Variants in HAUS2 observed in about 807,000 individuals in gnomAD.
HAUS2 encodes HAUS augmin like complex subunit 2, also known as HAUS augmin-like complex subunit 2.
HAUS2 carries 20 observed loss-of-function variants against 21.6 expected under a neutral mutation model. The observed-to-expected ratio is 0.93, with a 90% CI of 0.65 to 1.35. HAUS2 has a LOEUF of 1.35. Ranked by LOEUF, HAUS2 falls within the 40% of genes most tolerant of loss-of-function variation. The pLI, the probability that HAUS2 is intolerant of heterozygous loss-of-function variation, is 0.00. For missense variants in HAUS2, 297 were observed against 280.7 expected (o/e 1.06, Z -0.42); for synonymous variants, 113 against 95.6 (o/e 1.18, Z -1.06).
chr15:42,560,963 G>A, intron 3 of HAUS2: 1 of 622,914 alleles, frequency 1.6e-6, no homozygotes, highest in Non-Finnish European at 2.8e-6. Flanking sequence ...TTTGTGTTAA[G>A]AATATAGCTC....
At chr15:42,549,112 C>G (rs149934201) in intron 1 of HAUS2, 147 bp downstream of exon 1, 9 of 569,042 alleles carry the variant, frequency 1.6e-5, no homozygotes, top group Non-Finnish European at 2.5e-5. Flanking sequence ...AGGCAACAGC[C>G]GCGAACGTTC....
chr15:42,560,324 C>T (rs1240704814), intron 3 of HAUS2, among the ~76,000 whole-genome samples: 2 of 151,278 alleles, frequency 1.3e-5, no homozygotes, highest in Non-Finnish European at 2.9e-5. Context: ...TACATGCTAA[C>T]GTTTTACAGG....
rs1266368403 is a variant in HAUS2, at chr15:42,568,391, A to C, written c.*1575A>C. 6.6e-6 allele frequency: 1 copy of C among 152,228 alleles called. No individual in the cohort carries two copies. The allele number at this position is 152,228 out of a possible 1,614,324, so 9.4% of individuals were successfully genotyped here. A position where few individuals can be genotyped will look rare whatever the true frequency, so the allele number is the denominator to read the frequency against. On this transcript the variant is annotated 3_prime_UTR_variant, in exon 6 of 6. Transcript: ENST00000260372. ...TGGCAAGTGAGCATGAGAAAGATAT[A>C]TGGGTCTAAACTTAGCCTTTTATCA...
intron 5 of HAUS2, among the ~76,000 whole-genome samples, chr15:42,564,502 T>C (rs759303345): frequency 4.6e-5 from 7 of 152,182 alleles, no homozygotes; most frequent in Non-Finnish European, 1.0e-4. Context: ...CTGTAAAATA[T>C]ACATTTTCTA....
At position 42,567,048 on chromosome 15, in the gene HAUS2, A is replaced by G. The variant is rs553788495; in HGVS notation, c.*232A>G. 8.6e-6 allele frequency: 3 copies of G among 349,014 alleles called. No individual in the cohort carries two copies. Among genetic ancestry groups the G allele is most frequent in the Middle Eastern group, 8.7e-4 (1 of 1,146 alleles). The allele number at this position is 349,014 out of a possible 1,614,324, so 21.6% of individuals were successfully genotyped here. On this transcript the variant is annotated 3_prime_UTR_variant, in exon 6 of 6. Coordinates refer to ENST00000260372, the MANE Select transcript of HAUS2 (RefSeq NM_018097.3). ...GAGAAGCTAAAAAATAGCCATGACAATTTATTAATATAAGTGAATTAACCA... is the reference window on the plus strand; with the variant it reads ...GAGAAGCTAAAAAATAGCCATGACAGTTTATTAATATAAGTGAATTAACCA...
intron 2 of HAUS2, 104 bp downstream of exon 2, chr15:42,558,394 C>A: frequency 1.8e-6 from 1 of 555,228 alleles, no homozygotes; most frequent in Middle Eastern, 4.9e-4. Flanking sequence ...GTGGCACAAT[C>A]TCGGCTCACT....
intron 1 of HAUS2, among the ~76,000 whole-genome samples, chr15:42,552,110 C>T (rs1439212116): frequency 6.6e-6 from 1 of 152,036 alleles, no homozygotes; most frequent in African/African-American, 2.4e-5. Flanking sequence ...GCAACCTCCG[C>T]CTCCTTGGTT....
In HAUS2 at chr15:42,566,964, A is replaced by G. The variant is rs1447771011; in HGVS notation, c.*148A>G. ...GTATCAAGATCTCAGGTTCATTAAG[A>G]CCAAACTGACTTTTCCTTTGTTTTT... On this transcript the variant is annotated 3_prime_UTR_variant, in exon 6 of 6. Coordinates refer to ENST00000260372, the MANE Select transcript of HAUS2 (RefSeq NM_018097.3). 1 of 497,622 alleles carries G rather than the reference A, an allele frequency of 2.0e-6. No individual in the cohort carries two copies. The allele number at this position is 497,622 out of a possible 1,614,324, so 30.8% of individuals were successfully genotyped here. A position where few individuals can be genotyped will look rare whatever the true frequency, so the allele number is the denominator to read the frequency against.
rs920578272 is a variant in HAUS2, at chr15:42,568,928, G to C, written c.*2112G>C. ...CTGTAATAAATCATAGCTGTGTGAT[G>C]ATATGCTGAGTCTTGTGAATTCTCC... On this transcript the variant is annotated 3_prime_UTR_variant, in exon 6 of 6. Coordinates refer to ENST00000260372, the MANE Select transcript of HAUS2 (RefSeq NM_018097.3). 11 of 152,144 alleles carry C rather than the reference G, an allele frequency of 7.2e-5. No homozygotes were observed. Among genetic ancestry groups the C allele is most frequent in the Non-Finnish European group, 1.5e-4 (10 of 68,034 alleles). 9.4% of individuals were successfully genotyped at this position (152,144 alleles called of 1,614,324 possible). A position where few individuals can be genotyped will look rare whatever the true frequency, so the allele number is the denominator to read the frequency against.
chr15:42,565,171 G>T (rs1210363496), intron 5 of HAUS2, among the ~76,000 whole-genome samples: 1 of 152,042 alleles, frequency 6.6e-6, no homozygotes, highest in Non-Finnish European at 1.5e-5. Context: ...AGTGAAATTC[G>T]GACATGCATC....
intron 5 of HAUS2, among the ~76,000 whole-genome samples, chr15:42,564,678 G>A (rs992629419): frequency 9.9e-5 from 15 of 152,156 alleles, no homozygotes; most frequent in Admixed American, 6.6e-5. Context: ...AAATAGAGAC[G>A]AGTTCTCACT....
chr15:42,556,101 G>A (rs1307907951), intron 1 of HAUS2, among the ~76,000 whole-genome samples: 3 of 148,154 alleles, frequency 2.0e-5, no homozygotes, highest in Non-Finnish European at 3.0e-5. Flanking sequence ...GATTACAGGC[G>A]CCTGCCACCA....
chr15:42,566,544 C>G, intron 5 of HAUS2, 63 bp from the exon 6 acceptor site: 1 of 897,432 alleles, frequency 1.1e-6, no homozygotes, highest in Non-Finnish European at 1.8e-6. Context: ...GTATCAGTTA[C>G]TGATGATATA....
rs1207069136 is a variant in HAUS2, at chr15:42,569,988, A to C, written c.*3172A>C. 1 of 152,118 alleles carries C rather than the reference A, an allele frequency of 6.6e-6. No homozygotes were observed. Among genetic ancestry groups the C allele is most frequent in the Non-Finnish European group, 1.5e-5 (1 of 68,028 alleles). 9.4% of individuals were successfully genotyped at this position (152,118 alleles called of 1,614,324 possible). A position where few individuals can be genotyped will look rare whatever the true frequency, so the allele number is the denominator to read the frequency against. On this transcript the variant is annotated 3_prime_UTR_variant, in exon 6 of 6. Coordinates refer to ENST00000260372, the MANE Select transcript of HAUS2 (RefSeq NM_018097.3). ...TATAAAAATAAACTTGTAATTTCTA[A>C]CTAAAATTTTTTAGTCCTAGTCTGA...
intron 1 of HAUS2, among the ~76,000 whole-genome samples, chr15:42,553,274 T>C (rs923269671): frequency 6.6e-6 from 1 of 152,110 alleles, no homozygotes; most frequent in Non-Finnish European, 1.5e-5. Flanking sequence ...CCAGGATTTT[T>C]ATATTAAGTA....
intron 1 of HAUS2, among the ~76,000 whole-genome samples, chr15:42,557,766 G>T (rs904910246): frequency 6.7e-6 from 1 of 149,610 alleles, no homozygotes; most frequent in Middle Eastern, 3.4e-3. Flanking sequence ...AGGCAACTGA[G>T]GTCATTTAAC....
chr15:42,563,879 T>A (rs1414644515), intron 5 of HAUS2, 22 bp downstream of exon 5: 1 of 1,073,498 alleles, frequency 9.3e-7, no homozygotes, highest in South Asian at 1.3e-5. Context: ...TATAGCAATC[T>A]TCAGTTATTT....
rs1463765868 is a variant in HAUS2, at chr15:42,566,697, G to A, written c.589G>A (p.Val197Ile). Reference protein sequence around the residue: ...ILKWRKQQNEVSSCIPKILAE... With the variant: ...ILKWRKQQNEISSCIPKILAE... ...CAAGTGGCGTAAACAACAAAACGAA[G>A]TTTCGTCTTGTATCCCCAAAATATT... is the stretch of plus-strand genomic sequence containing the variant. Residue 197 changes from valine to isoleucine, a missense_variant, in exon 6 of 6, where the codon GTT becomes ATT. By Grantham distance (29) the Val-to-Ile change is conservative (BLOSUM62 3). Coordinates refer to ENST00000260372, the MANE Select transcript of HAUS2 (RefSeq NM_018097.3). 2.5e-6 allele frequency: 4 copies of A among 1,589,296 alleles called. No homozygotes were observed. Among genetic ancestry groups the A allele is most frequent in the Non-Finnish European group, 3.5e-6 (4 of 1,157,668 alleles).
intron 2 of HAUS2, 24 bp downstream of exon 2, chr15:42,558,314 CT>C (rs547363768): frequency 0.28 from 104,130 of 371,852 alleles, 3,106 homozygotes; most frequent in Non-Finnish European, 0.3. Flanking sequence ...TTTTCACTTT[CT>C]TTTTTTTTTT....
Sources: gnomAD v4.1 joint callset for allele counts (sites outside exome capture counted in the v4.1 genomes callset) on GRCh38, gnomAD v4.1.1 for gene constraint, MANE v1.5 for transcripts, NCBI Gene and HGNC (gene_info 2026-07-23, HGNC 2026-07-21) for gene names.